The following RAB27B variants were observed in gnomAD, a reference collection of about 807,000 sequenced individuals.
RAB27B encodes ras-related protein Rab-27B.
Under a neutral mutation model 24.6 loss-of-function variants are expected in RAB27B, and 15 were observed. The observed-to-expected ratio is 0.61, with a 90% CI of 0.41 to 0.94. RAB27B has a LOEUF of 0.94. Ranked by LOEUF, RAB27B falls within the 40% of genes least tolerant of loss-of-function variation. The pLI, the probability that RAB27B is intolerant of heterozygous loss-of-function variation, is 0.00. For missense variants in RAB27B, 261 were observed against 266.8 expected, an observed-to-expected ratio of 0.98 and a Z score of 0.15; for synonymous variants, 105 against 92.5, an observed-to-expected ratio of 1.14 and a Z score of -0.78.
chr18:54,882,373 C>T (rs1484761258), intron 3 of RAB27B, among the ~76,000 whole-genome samples: 1 of 152,112 alleles, frequency 6.6e-6, no homozygotes, highest in African/African-American at 2.4e-5. Context: ...TGATGGATAG[C>T]AAGTTAGAAA....
At chr18:54,737,260 A>G (rs1472336852) in intron 2 of RAB27B, among the ~76,000 whole-genome samples, 2 of 152,156 alleles carry the variant, frequency 1.3e-5, no homozygotes, top group African/African-American at 4.8e-5. Context: ...TAAGAGTTAA[A>G]TCTTGGATGG....
At chr18:54,882,506 G>A (rs1264240138) in intron 3 of RAB27B, among the ~76,000 whole-genome samples, 6 of 152,288 alleles carry the variant, frequency 3.9e-5, no homozygotes, top group Non-Finnish European at 5.9e-5. Context: ...CAGGAGGAGC[G>A]CATAGCCCAC....
chr18:54,744,669 AGCCTTTCCATATT>A, intron 2 of RAB27B: 1 of 152,372 alleles, frequency 6.6e-6, no homozygotes, highest in South Asian at 2.1e-4. Flanking sequence ...AAATAATAGT[AGCCTTTCCATATT>A]ACCCAGAGAG....
chr18:54,745,043 T>C, intron 2 of RAB27B: 1 of 178,520 alleles, frequency 5.6e-6, no homozygotes, highest in Non-Finnish European at 1.2e-5. Context: ...TCACTCCTAT[T>C]GCTGGCCACT....
chr18:54,821,765 T>C (rs1358058763), intron 2 of RAB27B, among the ~76,000 whole-genome samples: 2 of 152,250 alleles, frequency 1.3e-5, no homozygotes, highest in Admixed American at 1.3e-4. Context: ...TTATTTTTAT[T>C]TTTTTGAGAT....
intron 2 of RAB27B, among the ~76,000 whole-genome samples, chr18:54,799,502 T>C (rs534604641): frequency 6.6e-6 from 1 of 151,978 alleles, no homozygotes; most frequent in South Asian, 2.1e-4. Context: ...GATTTATACA[T>C]GAAAATAATA....
At chr18:54,767,596 A>G (rs1908404929) in intron 2 of RAB27B, among the ~76,000 whole-genome samples, 1 of 152,196 alleles carries the variant, frequency 6.6e-6, no homozygotes, top group Admixed American at 6.5e-5. Context: ...GTTTTAGATG[A>G]TGATCGTGAA....
intron 2 of RAB27B, among the ~76,000 whole-genome samples, chr18:54,739,968 T>C (rs1910024027): frequency 6.6e-6 from 1 of 152,240 alleles, no homozygotes; most frequent in South Asian, 2.1e-4. Context: ...GTAAGAGTTA[T>C]CTATATATTC....
chr18:54,719,991 A>C (rs537605186), intron 2 of RAB27B, among the ~76,000 whole-genome samples: 1 of 152,216 alleles, frequency 6.6e-6, no homozygotes, highest in Admixed American at 6.5e-5. Flanking sequence ...TAGGGGAAAA[A>C]GTCCCAAGAA....
At chr18:54,845,562 AC>A (rs1259768372) in intron 1 of RAB27B, among the ~76,000 whole-genome samples, 2 of 151,406 alleles carry the variant, frequency 1.3e-5, no homozygotes. Flanking sequence ...TTTTAGCCTC[AC>A]CTTGTTTTTC....
chr18:54,827,550 A>T (rs915585384), upstream of RAB27B, among the ~76,000 whole-genome samples: 11 of 152,160 alleles, frequency 7.2e-5, no homozygotes, highest in Non-Finnish European at 1.6e-4. Context: ...TCCCTTCTAC[A>T]AGAAATTCTC....
chr18:54,858,798 T>C (rs980407579), intron 1 of RAB27B, among the ~76,000 whole-genome samples: 1 of 152,140 alleles, frequency 6.6e-6, no homozygotes, highest in East Asian at 1.9e-4. Context: ...TTTTAAAAAT[T>C]AGCAGAAACG....
intron 2 of RAB27B, among the ~76,000 whole-genome samples, chr18:54,787,182 A>T (rs1909113319): frequency 1.3e-5 from 2 of 152,304 alleles, no homozygotes; most frequent in South Asian, 4.2e-4. Flanking sequence ...ATGGACAGGC[A>T]GTTTCTTGCC....
rs530396753 is a variant in RAB27B, at chr18:54,729,690, G to A, written c.-20+11549G>A. On this transcript the variant is annotated intron_variant, in intron 2 of 4. Transcript: ENST00000586570. Reference sequence around the variant, plus strand: ...CCATAGAAAGCAGGCAAATATAATAGTAAAAACAAGCAAAACAACAACAAA... The same window carrying A: ...CCATAGAAAGCAGGCAAATATAATAATAAAAACAAGCAAAACAACAACAAA... Among the ~76,000 whole-genome samples the A allele has an allele frequency of 2.4e-4, 36 of 152,168 alleles. 1 individual carries two copies. In the South Asian group the frequency reaches 7.0e-3, roughly 30 times the overall value.
At chr18:54,861,319 TGTTTA>T (rs1467824337) in intron 1 of RAB27B, among the ~76,000 whole-genome samples, 1 of 152,240 alleles carries the variant, frequency 6.6e-6, no homozygotes, top group Non-Finnish European at 1.5e-5. Context: ...ATGGAGACAT[TGTTTA>T]GGAGTAGAAA....
At chr18:54,729,573 A>G (rs922025067) in intron 2 of RAB27B, among the ~76,000 whole-genome samples, 3 of 152,176 alleles carry the variant, frequency 2.0e-5, no homozygotes, top group African/African-American at 4.8e-5. Context: ...AGAAAAGGTT[A>G]ATTCTGTTCA....
At chr18:54,791,248 AAAG>A (rs1909237560) in intron 2 of RAB27B, among the ~76,000 whole-genome samples, 1 of 152,150 alleles carries the variant, frequency 6.6e-6, no homozygotes, top group Non-Finnish European at 1.5e-5. Context: ...AAAGAAAGGA[AAAG>A]AAGAAACCTC....
intron 1 of RAB27B, among the ~76,000 whole-genome samples, chr18:54,839,441 T>A (rs2145197733): frequency 6.6e-6 from 1 of 152,252 alleles, no homozygotes; most frequent in South Asian, 2.1e-4. Flanking sequence ...GTAACAAACA[T>A]TCTCCCATTG....
intron 3 of RAB27B, among the ~76,000 whole-genome samples, chr18:54,882,031 G>A (rs557705301): frequency 3.3e-5 from 5 of 152,250 alleles, no homozygotes; most frequent in South Asian, 2.1e-4. Context: ...TCCAAAGAGG[G>A]AGAATTATTC....
Sources: gnomAD v4.1 joint callset for allele counts (sites outside exome capture counted in the v4.1 genomes callset) on GRCh38, gnomAD v4.1.1 for gene constraint, MANE v1.5 for transcripts, NCBI Gene and HGNC (gene_info 2026-07-23, HGNC 2026-07-21) for gene names.